SEL1L: variants seen among roughly 807,000 people sequenced by gnomAD.
SEL1L encodes the protein protein sel-1 homolog 1.
Under a neutral mutation model 109.8 loss-of-function variants are expected in SEL1L, and 52 were observed. The observed-to-expected ratio is 0.47, with a 90% CI of 0.38 to 0.60. The LOEUF (loss-of-function observed/expected upper bound fraction) is 0.60. Among genes scored for constraint, SEL1L ranks in the 20% least tolerant of loss-of-function variants. The pLI, the probability that SEL1L is intolerant of heterozygous loss-of-function variation, is 0.00. For missense variants in SEL1L, 749 were observed against 962.2 expected (o/e 0.78, Z 2.93); for synonymous variants, 373 against 339.6 (o/e 1.10, Z -1.08).
At chr14:81,483,850 T>G (rs939270739) in intron 19 of SEL1L, among the ~76,000 whole-genome samples, 3 of 152,158 alleles carry the variant, frequency 2.0e-5, no homozygotes, top group African/African-American at 7.2e-5. Flanking sequence ...TAGGCAAGTG[T>G]AAGAATCAGA....
At chr14:81,507,657 C>T (rs1885599) in intron 3 of SEL1L, among the ~76,000 whole-genome samples, 108,872 of 149,648 alleles carry the variant, frequency 0.73, 39,566 homozygotes, top group African/African-American at 0.76. Flanking sequence ...GTTTCAGTTA[C>T]AGCTAAAAAA....
chr14:81,507,140 G>A (rs768485093), intron 3 of SEL1L, among the ~76,000 whole-genome samples: 3 of 152,196 alleles, frequency 2.0e-5, no homozygotes, highest in Non-Finnish European at 4.4e-5. Flanking sequence ...GCAGCATGAG[G>A]AAGACAGACT....
chr14:81,480,425 G>A (rs1903315670), intron 19 of SEL1L, among the ~76,000 whole-genome samples: 2 of 152,102 alleles, frequency 1.3e-5, no homozygotes, highest in South Asian at 2.1e-4. Context: ...TCCTGACCTC[G>A]TAATCCGCCC....
At chr14:81,522,598 A>G (rs1884960392) in intron 3 of SEL1L, among the ~76,000 whole-genome samples, 1 of 152,160 alleles carries the variant, frequency 6.6e-6, no homozygotes, top group Admixed American at 6.5e-5. Flanking sequence ...AGTACACTCT[A>G]TATTTGCACA....
rs904186242 is a variant in SEL1L, at chr14:81,502,597, C to T, written c.777+124G>A. 18 of 939,856 alleles carry T rather than the reference C, an allele frequency of 1.9e-5. No homozygotes were observed. The East Asian group carries it at 3.5e-4, about 18-fold the overall frequency. The allele number at this position is 939,856 out of a possible 1,614,324, so 58.2% of individuals were successfully genotyped here. A position where few individuals can be genotyped will look rare whatever the true frequency, so the allele number is the denominator to read the frequency against. ...CCAAGAAGACTGATAAAATGGTCAG[C>T]CACAAAATTGGTATTTATCTTCCAG... On this transcript the variant is annotated intron_variant, in intron 6 of 20. Coordinates refer to ENST00000336735, the MANE Select transcript of SEL1L (RefSeq NM_005065.6).
intron 3 of SEL1L, among the ~76,000 whole-genome samples, chr14:81,524,271 G>C (rs764140519): frequency 6.6e-6 from 1 of 152,212 alleles, no homozygotes; most frequent in Non-Finnish European, 1.5e-5. Context: ...AGATCAGGGT[G>C]ATACCACCTG....
chr14:81,493,117 T>C (rs1223828072), intron 11 of SEL1L, among the ~76,000 whole-genome samples: 1 of 152,234 alleles, frequency 6.6e-6, no homozygotes, highest in Non-Finnish European at 1.5e-5. Flanking sequence ...TTAAGGACCT[T>C]GTACCATTGG....
At chr14:81,522,205 G>A (rs1487933674) in intron 3 of SEL1L, among the ~76,000 whole-genome samples, 1 of 151,796 alleles carries the variant, frequency 6.6e-6, no homozygotes, top group African/African-American at 2.4e-5. Flanking sequence ...ATTTACTATT[G>A]AAAAAAAATT....
intron 3 of SEL1L, among the ~76,000 whole-genome samples, chr14:81,525,255 A>G (rs1885066639): frequency 6.6e-6 from 1 of 152,058 alleles, no homozygotes; most frequent in South Asian, 2.1e-4. Flanking sequence ...ATGCATGTTT[A>G]AAAATTTCCC....
At position 81,473,683 on chromosome 14, in the gene SEL1L, G is replaced by C. The variant is rs1234372137; in HGVS notation, c.*3289C>G. ...CTGTTTTCATGACACATCTTGTTTT[G>C]AAATGTGCATGTGAAATGTTAGTCC... On this transcript the variant is annotated 3_prime_UTR_variant, in exon 21 of 21. Coordinates refer to ENST00000336735, the MANE Select transcript of SEL1L (RefSeq NM_005065.6). 6.6e-6 allele frequency: 1 copy of C among 152,078 alleles called. No individual in the cohort carries two copies. The highest frequency in any genetic ancestry group is 1.5e-5 in the Non-Finnish European group (1 of 68,000). 9.4% of individuals were successfully genotyped at this position (152,078 alleles called of 1,614,324 possible).
intron 9 of SEL1L, 175 bp from the exon 10 acceptor site, chr14:81,498,221 T>C (rs1161933253): frequency 1.1e-5 from 9 of 853,742 alleles, no homozygotes; most frequent in Admixed American, 3.1e-5. Context: ...TGAACTTTTT[T>C]CACAACGTAA....
At chr14:81,498,346 T>C (rs1414752340) in intron 9 of SEL1L, 67 bp downstream of exon 9, 4 of 1,305,618 alleles carry the variant, frequency 3.1e-6, no homozygotes, top group Admixed American at 4.1e-5. Context: ...ACAATAAAAA[T>C]AGAAATGTTT....
At chr14:81,518,000 C>T (rs775885176) in intron 3 of SEL1L, among the ~76,000 whole-genome samples, 2 of 152,056 alleles carry the variant, frequency 1.3e-5, no homozygotes, top group Non-Finnish European at 2.9e-5. Context: ...ATGATCTTGG[C>T]TCACTGCAGC....
At position 81,484,649 on chromosome 14, in the gene SEL1L, G is replaced by T. The variant is rs181242335; in HGVS notation, c.1874-252C>A. ...AAGTTGGTGTGTGTGTAGGGGGACA[G>T]GTTTAATATCCCTAATTCAAAAAGC... On this transcript the variant is annotated intron_variant, in intron 18 of 20. Transcript: ENST00000336735. 194 of 317,828 alleles carry T rather than the reference G, an allele frequency of 6.1e-4. 1 individual carries two copies. The East Asian group carries it at 7.8e-3, about 13-fold the overall frequency. 19.7% of individuals were successfully genotyped at this position (317,828 alleles called of 1,614,324 possible).
intron 5 of SEL1L, 68 bp from the exon 6 acceptor site, chr14:81,502,951 T>C (rs1884074469): frequency 1.6e-6 from 2 of 1,259,946 alleles, no homozygotes; most frequent in Admixed American, 2.2e-5. Flanking sequence ...TTTTTTGATC[T>C]ACTAAAACGC....
chr14:81,490,518 A>C (rs1221472761), intron 12 of SEL1L, 53 bp from the exon 13 acceptor site: 1 of 1,352,866 alleles, frequency 7.4e-7, no homozygotes. Context: ...CTCCAATTAC[A>C]TTTTTCTCCT....
At chr14:81,512,006 CAA>C (rs917947565) in intron 3 of SEL1L, among the ~76,000 whole-genome samples, 1 of 152,146 alleles carries the variant, frequency 6.6e-6, no homozygotes, top group Non-Finnish European at 1.5e-5. Flanking sequence ...TTTTCATTTG[CAA>C]ACTTATTTTT....
At chr14:81,499,969 G>A (rs1002082985) in intron 6 of SEL1L, among the ~76,000 whole-genome samples, 1 of 142,420 alleles carries the variant, frequency 7.0e-6, no homozygotes, top group African/African-American at 2.7e-5. Flanking sequence ...GCAATGGCAC[G>A]ATCCTGGCTC....
chr14:81,488,508 C>T (rs757228944), intron 14 of SEL1L, among the ~76,000 whole-genome samples: 4 of 152,066 alleles, frequency 2.6e-5, no homozygotes, highest in Non-Finnish European at 5.9e-5. Flanking sequence ...AGCTCTTAAA[C>T]CTAGCTCTTA....
Sources: allele counts gnomAD v4.1 joint callset (sites outside exome capture counted in the v4.1 genomes callset), GRCh38; gene constraint gnomAD v4.1.1; transcripts MANE v1.5; gene names NCBI Gene and HGNC (gene_info 2026-07-23, HGNC 2026-07-21).